The following CDH10 variants were observed in gnomAD, a reference collection of about 807,000 sequenced individuals.
The protein encoded by CDH10 is cadherin-10.
In CDH10, 30 loss-of-function variants were observed where a neutral mutation model predicts 73.1. The observed-to-expected ratio is 0.41, with a 90% confidence interval of 0.31 to 0.56. CDH10 has a LOEUF of 0.56. Among genes scored for constraint, CDH10 ranks in the 20% least tolerant of loss-of-function variants. The pLI, the probability that CDH10 is intolerant of heterozygous loss-of-function variation, is 0.27. For missense variants in CDH10, 815 were observed against 973.7 expected, an observed-to-expected ratio of 0.84 and a Z score of 2.17; for synonymous variants, 345 against 348.2, an observed-to-expected ratio of 0.99 and a Z score of 0.10.
At chr5:24,516,254 A>G (rs1743104685) in intron 5 of CDH10, among the ~76,000 whole-genome samples, 1 of 143,056 alleles carries the variant, frequency 7.0e-6, no homozygotes, top group Non-Finnish European at 1.6e-5. Context: ...TCCGATGTCA[A>G]TATGTCTTAG....
At position 24,644,855 on chromosome 5, in the gene CDH10, G is replaced by T. The variant is rs1004882393; in HGVS notation, c.-385C>A. 6.6e-6 allele frequency: 1 copy of T among 152,066 alleles called. No individual in the cohort carries two copies. 9.4% of individuals were successfully genotyped at this position (152,066 alleles called of 1,614,324 possible). A position where few individuals can be genotyped will look rare whatever the true frequency, so the allele number is the denominator to read the frequency against. On this transcript the variant is annotated 5_prime_UTR_variant, in exon 1 of 12. Coordinates refer to ENST00000264463, the MANE Select transcript of CDH10 (RefSeq NM_006727.5). ...AAAGGAAAAAAAAAAAAAAGGAAAG[G>T]GGGGAAAAAAGCTCTTCCTCACACG...
At chr5:24,532,349 T>A (rs967245624) in intron 5 of CDH10, among the ~76,000 whole-genome samples, 1 of 152,126 alleles carries the variant, frequency 6.6e-6, no homozygotes, top group Non-Finnish European at 1.5e-5. Flanking sequence ...CCATGCTTCC[T>A]AGATATTAAA....
At chr5:24,526,984 C>T (rs1293020616) in intron 5 of CDH10, among the ~76,000 whole-genome samples, 2 of 150,898 alleles carry the variant, frequency 1.3e-5, no homozygotes, top group African/African-American at 2.5e-5. Flanking sequence ...TGTTCCTTCC[C>T]TCATTGCCCC....
chr5:24,552,611 A>G (rs1404381509), intron 2 of CDH10, among the ~76,000 whole-genome samples: 2 of 152,070 alleles, frequency 1.3e-5, no homozygotes, highest in Non-Finnish European at 2.9e-5. Flanking sequence ...TTGTTAATAT[A>G]GGCAATAATA....
intron 7 of CDH10, among the ~76,000 whole-genome samples, chr5:24,507,792 C>T (rs917623245): frequency 1.3e-5 from 2 of 151,906 alleles, no homozygotes; most frequent in Admixed American, 1.3e-4. Context: ...AGGAATGCAG[C>T]AATACAGTTG....
At chr5:24,575,985 G>T (rs138668687) in intron 2 of CDH10, among the ~76,000 whole-genome samples, 2 of 151,904 alleles carry the variant, frequency 1.3e-5, no homozygotes, top group East Asian at 3.9e-4. Flanking sequence ...GTTACCTATT[G>T]TCTGAAATAT....
At chr5:24,494,556 C>A (rs1388108851) in intron 9 of CDH10, among the ~76,000 whole-genome samples, 1 of 151,876 alleles carries the variant, frequency 6.6e-6, no homozygotes, top group Non-Finnish European at 1.5e-5. Flanking sequence ...AATGGAAACT[C>A]AAATGTTTCA....
At chr5:24,528,214 G>A (rs1341295935) in intron 5 of CDH10, among the ~76,000 whole-genome samples, 1 of 151,752 alleles carries the variant, frequency 6.6e-6, no homozygotes, top group Admixed American at 6.6e-5. Context: ...ATGTAAGTAG[G>A]TTCATTTTTT....
chr5:24,510,951 T>C (rs1742880195), intron 6 of CDH10, among the ~76,000 whole-genome samples: 2 of 152,220 alleles, frequency 1.3e-5, no homozygotes, highest in African/African-American at 4.8e-5. Flanking sequence ...TCTGGATAGA[T>C]GGCATTGGAC....
At chr5:24,628,127 C>T (rs1389817726) in intron 1 of CDH10, among the ~76,000 whole-genome samples, 1 of 152,094 alleles carries the variant, frequency 6.6e-6, no homozygotes, top group Non-Finnish European at 1.5e-5. Flanking sequence ...ATAAATACTG[C>T]CTCCCCTGGT....
At chr5:24,615,158 T>C (rs1434307841) in intron 1 of CDH10, among the ~76,000 whole-genome samples, 1 of 152,208 alleles carries the variant, frequency 6.6e-6, no homozygotes, top group Non-Finnish European at 1.5e-5. Context: ...TCAAGTATCA[T>C]CTGGCACAAT....
chr5:24,583,878 C>T (rs889416139), intron 2 of CDH10, among the ~76,000 whole-genome samples: 1 of 152,108 alleles, frequency 6.6e-6, no homozygotes, highest in Non-Finnish European at 1.5e-5. Context: ...CTCCTGACCT[C>T]GTGATCCACC....
At chr5:24,517,586 T>TG (rs1554017975) in intron 5 of CDH10, among the ~76,000 whole-genome samples, 1 of 151,888 alleles carries the variant, frequency 6.6e-6, no homozygotes, top group Non-Finnish European at 1.5e-5. Context: ...TATTTGTTTT[T>TG]GACAATGCAA....
intron 1 of CDH10, among the ~76,000 whole-genome samples, chr5:24,626,549 T>C (rs565825143): frequency 5.9e-5 from 9 of 152,218 alleles, no homozygotes; most frequent in African/African-American, 2.2e-4. Context: ...ACAACTTGAA[T>C]CAGGTTTGAG....
At chr5:24,491,370 C>T (rs954769977) in intron 11 of CDH10, among the ~76,000 whole-genome samples, 9 of 53,656 alleles carry the variant, frequency 1.7e-4, no homozygotes, top group African/African-American at 5.9e-4. Flanking sequence ...AGGTAAAGTT[C>T]CACTATTACT....
intron 1 of CDH10, among the ~76,000 whole-genome samples, chr5:24,636,888 T>G (rs1199217703): frequency 6.6e-6 from 1 of 151,890 alleles, no homozygotes. Flanking sequence ...ACCAAAAGGC[T>G]GCTCCTAAGG....
intron 5 of CDH10, among the ~76,000 whole-genome samples, chr5:24,512,284 C>T (rs115283384): frequency 0.022 from 3,347 of 152,014 alleles, 91 homozygotes; most frequent in African/African-American, 0.07. Context: ...GGATTAGAGA[C>T]GCAAGCCACG....
At chr5:24,591,708 ATAC>A (rs1746204474) in intron 2 of CDH10, among the ~76,000 whole-genome samples, 2 of 151,886 alleles carry the variant, frequency 1.3e-5, no homozygotes. Flanking sequence ...TAAGAGCTTA[ATAC>A]TCTCTTACTA....
In CDH10 at chr5:24,504,998, T is replaced by A. The variant is rs572587062; in HGVS notation, c.1393+114A>T. 6.6e-6 allele frequency: 5 copies of A among 762,860 alleles called. No homozygotes were observed. In the South Asian group the frequency reaches 7.8e-5, roughly 12 times the overall value. The allele number at this position is 762,860 out of a possible 1,614,324, so 47.3% of individuals were successfully genotyped here. A position where few individuals can be genotyped will look rare whatever the true frequency, so the allele number is the denominator to read the frequency against. ...AGAAAATTAAAATTCATCTGTCCAA[T>A]GAGAATGAATTATTTTTAATGTAAA... On this transcript the variant is annotated intron_variant, in intron 8 of 11. Coordinates refer to ENST00000264463, the MANE Select transcript of CDH10 (RefSeq NM_006727.5).
Sources: allele counts gnomAD v4.1 joint callset (sites outside exome capture counted in the v4.1 genomes callset), GRCh38; gene constraint gnomAD v4.1.1; transcripts MANE v1.5; gene names NCBI Gene and HGNC (gene_info 2026-07-23, HGNC 2026-07-21).